The following PIEZO1 variants were observed in gnomAD, a reference collection of about 807,000 sequenced individuals.
The protein encoded by PIEZO1 is piezo type mechanosensitive ion channel component 1 (Er blood group).
In PIEZO1, 296 loss-of-function variants were observed where a neutral mutation model predicts 297.2. The ratio of observed to expected loss-of-function variants is 1.00; its 90% CI spans 0.91 to 1.10. PIEZO1 has a LOEUF of 1.10. Among genes scored for constraint, PIEZO1 ranks in the 50% least tolerant of loss-of-function variants. PIEZO1 has a pLI of 0.00. For synonymous variants in PIEZO1, 2,427 were observed against 1,507.5 expected (o/e 1.61, Z -14.13); for missense variants, 5,018 against 3,455.5 (o/e 1.45, Z -11.34).
intron 2 of PIEZO1, 82 bp from the exon 3 acceptor site, chr16:88,742,504 C>A (rs1936139228): frequency 7.0e-7 from 1 of 1,426,772 alleles, no homozygotes; most frequent in Non-Finnish European, 9.4e-7. Context: ...ACAATAGCCC[C>A]CAGCCCGGCC....
intron 1 of PIEZO1, among the ~76,000 whole-genome samples, chr16:88,755,761 G>T (rs972179455): frequency 1.3e-5 from 2 of 152,366 alleles, no homozygotes; most frequent in Admixed American, 6.5e-5. Flanking sequence ...GAGGCCGGGG[G>T]CCCCCAGGCC....
chr16:88,782,412 C>T (rs541267370), intron 1 of PIEZO1, among the ~76,000 whole-genome samples: 1 of 152,332 alleles, frequency 6.6e-6, no homozygotes, highest in African/African-American at 2.4e-5. Context: ...GCGCCCAGCC[C>T]TGCCCTGACA....
chr16:88,727,607 C>T lies in PIEZO1; in HGVS notation c.3251G>A (p.Trp1084Ter). The change falls in exon 23 of 51, where the codon TGG (tryptophan) becomes TAG (stop). Residue 1084 changes from tryptophan to a stop codon, truncating the protein, a stop_gained. Coordinates refer to ENST00000301015, the MANE Select transcript of PIEZO1 (RefSeq NM_001142864.4). LOFTEE classifies it high-confidence loss of function. ...AVPMNSALIK[W>*]LYLPDFFRAP... ...CCGGAAGAAATCAGGCAGGTACAGC[C>T]ACTTGATGAGTGCGGAGTTCATGGG... 6.5e-7 allele frequency: 1 copy of T among 1,537,208 alleles called. No individual in the cohort carries two copies. Among genetic ancestry groups the T allele is most frequent in the East Asian group, 2.5e-5 (1 of 40,558 alleles).
rs1196798248 is a variant in PIEZO1 at position 88,725,023 on chromosome 16, A to G, written c.4220T>C (p.Leu1407Pro). 11 of 1,495,368 alleles carry G rather than the reference A, an allele frequency of 7.4e-6. No homozygotes were observed. Among genetic ancestry groups the G allele is most frequent in the Non-Finnish European group, 9.8e-6 (11 of 1,123,860 alleles). 92.6% of individuals were successfully genotyped at this position (1,495,368 alleles called of 1,614,324 possible). The change falls in exon 30 of 51, where the codon CTG (leucine) becomes CCG (proline). Residue 1407 changes from leucine (L) to proline (P), a missense_variant. Transcript: ENST00000301015. ...PPRRQWWRPW[L>P]DHATVIHSGD... ...ATTGGGGGTACCTGTGGCGTGGTCC[A>G]GCCAGGGCCGCCACCACTGCCTCCG...
Position 88,715,420 on chromosome 16 carries a change from G to A in PIEZO1, c.*185C>T, listed in dbSNP as rs112202523. ...TACACGTGGGGGACGGCAGCGCCAC[G>A]CAGGCCGTGGGGACGCAGTGTCCTT... is the stretch of plus-strand genomic sequence containing the variant. On this transcript the variant is annotated 3_prime_UTR_variant, in exon 51 of 51. Transcript: ENST00000301015. The A allele has an allele frequency of 1.3e-5, 12 of 932,004 alleles. No individual in the cohort carries two copies. Among genetic ancestry groups the A allele is most frequent in the African/African-American group, 4.9e-5 (3 of 60,614 alleles). 57.7% of individuals were successfully genotyped at this position (932,004 alleles called of 1,614,324 possible).
intron 1 of PIEZO1, among the ~76,000 whole-genome samples, chr16:88,781,912 G>A (rs556418387): frequency 7.4e-4 from 112 of 152,376 alleles, no homozygotes; most frequent in Admixed American, 2.3e-3. Context: ...CCAGCTTGCC[G>A]GCCGTGGGTG....
chr16:88,738,906 C>G, intron 5 of PIEZO1, 170 bp from the exon 6 acceptor site: 1 of 617,246 alleles, frequency 1.6e-6, no homozygotes, highest in Non-Finnish European at 2.8e-6. Flanking sequence ...CTGAGGTCTG[C>G]CTGACACCTT....
intron 1 of PIEZO1, among the ~76,000 whole-genome samples, chr16:88,769,318 C>G (rs1006878825): frequency 1.3e-5 from 2 of 152,204 alleles, no homozygotes; most frequent in Non-Finnish European, 2.9e-5. Context: ...TCCCAAAGTG[C>G]TGGGATTACA....
intron 10 of PIEZO1, chr16:88,736,949 G>A: frequency 2.2e-6 from 1 of 463,676 alleles, no homozygotes; most frequent in Non-Finnish European, 3.8e-6. Flanking sequence ...CGTTCTCTGG[G>A]CCTCACTTTC....
At chr16:88,733,543 G>C (rs1379710306) in intron 18 of PIEZO1, 45 bp downstream of exon 18, 2 of 1,528,742 alleles carry the variant, frequency 1.3e-6, no homozygotes, top group Admixed American at 4.0e-5. Context: ...GCAGGCCAGA[G>C]CGACCCCACC....
chr16:88,771,122 C>T (rs1158143930), intron 1 of PIEZO1, among the ~76,000 whole-genome samples: 1 of 152,224 alleles, frequency 6.6e-6, no homozygotes, highest in Non-Finnish European at 1.5e-5. Context: ...CAGAGCAGGG[C>T]AGGCGCTAAT....
intron 19 of PIEZO1, chr16:88,733,058 C>G: frequency 3.4e-6 from 2 of 590,740 alleles, no homozygotes; most frequent in Non-Finnish European, 6.0e-6. Flanking sequence ...CCTGGGACTC[C>G]GCCCCTACTG....
At chr16:88,742,016 G>A (rs377093337) in intron 4 of PIEZO1, 37 bp downstream of exon 4, 10 of 1,533,618 alleles carry the variant, frequency 6.5e-6, no homozygotes, top group Admixed American at 2.0e-5. Flanking sequence ...ATCCCCAAGG[G>A]AGGCTTGCTG....
rs111737581 is a variant in PIEZO1, at chr16:88,725,294, C to T, written c.4162+122G>A. On this transcript the variant is annotated intron_variant, in intron 29 of 50. Transcript: ENST00000301015. ...GCCTGCCAGACAGAGGGTGATCATG[C>T]GGACAGGACAGGCGGGCTGGGAGCC... The T allele has an allele frequency of 4.0e-3, 2,892 of 716,150 alleles. 9 individuals carry two copies. Among genetic ancestry groups the T allele is most frequent in the Non-Finnish European group, 4.5e-3 (2,033 of 451,700 alleles). 44.4% of individuals were successfully genotyped at this position (716,150 alleles called of 1,614,324 possible).
intron 29 of PIEZO1, 30 bp from the exon 30 acceptor site, chr16:88,725,110 G>C: frequency 6.8e-7 from 1 of 1,467,946 alleles, no homozygotes; most frequent in Non-Finnish European, 9.1e-7. Context: ...GCATGAGGCA[G>C]CAGTCAAGCC....
At chr16:88,780,336 G>T (rs910903024) in intron 1 of PIEZO1, among the ~76,000 whole-genome samples, 1 of 152,152 alleles carries the variant, frequency 6.6e-6, no homozygotes, top group Non-Finnish European at 1.5e-5. Flanking sequence ...GCCAGCAGAG[G>T]AGCTCAAAGG....
intron 23 of PIEZO1, 77 bp from the exon 24 acceptor site, chr16:88,727,269 C>T (rs1904517228): frequency 3.5e-6 from 5 of 1,413,338 alleles, no homozygotes; most frequent in Non-Finnish European, 4.7e-6. Context: ...TCCCACCTCC[C>T]ACCCCAGGCC....
intron 2 of PIEZO1, chr16:88,745,316 G>GC (rs1905977194): frequency 1.1e-5 from 1 of 87,398 alleles, no homozygotes; most frequent in African/African-American, 4.4e-5. Context: ...GCTCTGGCCG[G>GC]CAACCGCCCT....
intron 22 of PIEZO1, among the ~76,000 whole-genome samples, chr16:88,728,306 G>A (rs574822537): frequency 1.3e-5 from 2 of 152,394 alleles, no homozygotes; most frequent in East Asian, 3.9e-4. Context: ...GGTCCCTAAG[G>A]ACTGAGGGCA....
Sources: gnomAD v4.1 joint callset for allele counts (sites outside exome capture counted in the v4.1 genomes callset) on GRCh38, gnomAD v4.1.1 for gene constraint, MANE v1.5 for transcripts, NCBI Gene and HGNC (gene_info 2026-07-23, HGNC 2026-07-21) for gene names.